The following SEC14L1 variants were observed in gnomAD, a reference collection of about 807,000 sequenced individuals.
The protein encoded by SEC14L1 is SEC14 like lipid binding 1.
SEC14L1 carries 48 observed loss-of-function variants against 85.3 expected under a neutral mutation model. The observed-to-expected ratio is 0.56, with a 90% CI of 0.45 to 0.72. The LOEUF (loss-of-function observed/expected upper bound fraction) is 0.72, where lower values mean the gene tolerates loss of function less well. SEC14L1 is among the 30% of genes least tolerant of loss of function. SEC14L1 has a pLI of 0.00. For missense variants in SEC14L1, 682 were observed against 921.4 expected (o/e 0.74, Z 3.36); for synonymous variants, 391 against 355.5 (o/e 1.10, Z -1.12).
chr17:77,166,379 G>A (rs1974282478), intron 3 of SEC14L1, among the ~76,000 whole-genome samples: 1 of 152,204 alleles, frequency 6.6e-6, no homozygotes, highest in Admixed American at 6.5e-5. Context: ...CACTTTTAAT[G>A]GTGGAACTGG....
At chr17:77,125,345 C>A (rs926994555) in intron 3 of SEC14L1, among the ~76,000 whole-genome samples, 6 of 151,742 alleles carry the variant, frequency 4.0e-5, no homozygotes, top group African/African-American at 1.2e-4. Flanking sequence ...AAAAACTCTT[C>A]TTATTATTTT....
At chr17:77,172,913 G>A (rs555877962) in intron 3 of SEC14L1, among the ~76,000 whole-genome samples, 1 of 152,308 alleles carries the variant, frequency 6.6e-6, no homozygotes, top group South Asian at 2.1e-4. Flanking sequence ...AGGATCTGTG[G>A]CCGCAAGTTT....
chr17:77,103,425 T>TTTG (rs1310919030), intron 3 of SEC14L1, among the ~76,000 whole-genome samples: 1 of 150,964 alleles, frequency 6.6e-6, no homozygotes, highest in African/African-American at 2.4e-5. Flanking sequence ...ATTTTTCTTT[T>TTTG]TTGTTGTTGT....
At chr17:77,205,660 CA>C (rs1379780049) in intron 11 of SEC14L1, among the ~76,000 whole-genome samples, 6 of 152,136 alleles carry the variant, frequency 3.9e-5, no homozygotes, top group Non-Finnish European at 5.9e-5. Flanking sequence ...GTTCTTAAAC[CA>C]AGCTCTAAGT....
At chr17:77,138,954 C>T (rs567815546), upstream of SEC14L1, among the ~76,000 whole-genome samples, 2 of 152,244 alleles carry the variant, frequency 1.3e-5, no homozygotes, top group Non-Finnish European at 2.9e-5. Context: ...TATGGCTCAA[C>T]AAATTTCCCA....
At chr17:77,164,255 C>G (rs1030954987) in intron 3 of SEC14L1, among the ~76,000 whole-genome samples, 4 of 152,234 alleles carry the variant, frequency 2.6e-5, no homozygotes, top group Non-Finnish European at 4.4e-5. Context: ...CCACGGCGCT[C>G]AGGCACTTGG....
Position 77,212,234 on chromosome 17 carries a change from G to A in SEC14L1, c.1863+33G>A, listed in dbSNP as rs141639175. The stretch of plus-strand genomic sequence containing the variant: ...CACACACAGGTCAAATCGCGCATCC[G>A]TGACTCCACACGGCCAGGTGATTCT... On this transcript the variant is annotated intron_variant, in intron 15 of 16. Transcript: ENST00000436233. 6,628 of 1,607,776 alleles carry A rather than the reference G, an allele frequency of 4.1e-3. 17 individuals are homozygous for A. Among genetic ancestry groups the A allele is most frequent in the Non-Finnish European group, 5.1e-3 (5,969 of 1,176,140 alleles).
intron 3 of SEC14L1, among the ~76,000 whole-genome samples, chr17:77,112,454 C>T (rs1201317724): frequency 1.3e-5 from 2 of 152,122 alleles, no homozygotes; most frequent in Non-Finnish European, 2.9e-5. Flanking sequence ...ACACATACTG[C>T]TTTTGAAATG....
intron 3 of SEC14L1, among the ~76,000 whole-genome samples, chr17:77,098,391 C>T (rs529741320): frequency 2.1e-4 from 32 of 151,648 alleles, no homozygotes; most frequent in Non-Finnish European, 4.4e-4. Flanking sequence ...CCCAGCTACT[C>T]GGGAGGCTGA....
At position 77,214,807 on chromosome 17, in the gene SEC14L1, G is replaced by A. The variant is rs907349531; in HGVS notation, c.*784G>A. 11 of 985,240 alleles carry A rather than the reference G, an allele frequency of 1.1e-5. No homozygotes were observed. The highest frequency in any genetic ancestry group is 1.8e-5 in the African/African-American group (1 of 57,138). 61.0% of individuals were successfully genotyped at this position (985,240 alleles called of 1,614,324 possible). Reference sequence around the variant, plus strand: ...TTCTTCCCGTTTCCTTCCGTGCGTCGCCCCTCTCACCTGCAGTCAGCTCCC... The same window carrying A: ...TTCTTCCCGTTTCCTTCCGTGCGTCACCCCTCTCACCTGCAGTCAGCTCCC... On this transcript the variant is annotated 3_prime_UTR_variant, in exon 17 of 17. Transcript: ENST00000436233.
In SEC14L1 at chr17:77,175,943, C is replaced by A. The variant is rs1270178032; in HGVS notation, c.64-14860C>A. Among the ~76,000 whole-genome samples, 5 of 151,772 alleles carry A rather than the reference C, an allele frequency of 3.3e-5. No homozygotes were observed. In the East Asian group the frequency reaches 9.7e-4, roughly 29 times the overall value. On this transcript the variant is annotated intron_variant, in intron 3 of 16. Coordinates refer to ENST00000436233, the MANE Select transcript of SEC14L1 (RefSeq NM_001143998.2). ...GTGTGCTGATTGGTTTGTGAGTATG[C>A]AAAAAAGGTTAAAGTGAAGACACCA...
At chr17:77,205,479 T>TA (rs1465383481) in intron 11 of SEC14L1, 133 bp downstream of exon 11, 2 of 779,836 alleles carry the variant, frequency 2.6e-6, no homozygotes, top group Non-Finnish European at 4.3e-6. Flanking sequence ...AGTGAACATG[T>TA]AATATGCCAG....
chr17:77,105,574 ACTC>A (rs1272759691), intron 3 of SEC14L1, among the ~76,000 whole-genome samples: 9 of 152,106 alleles, frequency 5.9e-5, no homozygotes, highest in African/African-American at 2.2e-4. Context: ...AGAGATGTGA[ACTC>A]CTGTGTCAGG....
At position 77,213,224 on chromosome 17, in the gene SEC14L1, A is replaced by T; in HGVS notation, c.1864-90A>T. ...GTTTCCGTAGCTACATGAAATCCTAAAGACAGTCCCCTTGGCGCTTGTCAG... is the reference window on the plus strand; with the variant it reads ...GTTTCCGTAGCTACATGAAATCCTATAGACAGTCCCCTTGGCGCTTGTCAG... On this transcript the variant is annotated intron_variant, in intron 15 of 16. Transcript: ENST00000436233. This position sits in a 1 kb window ranked among gnomAD's most constrained non-coding sequence, Gnocchi z 7.1. The T allele has an allele frequency of 2.7e-6, 3 of 1,126,496 alleles. No homozygotes were observed. The highest frequency in any genetic ancestry group is 3.8e-6 in the Non-Finnish European group (3 of 799,980). The allele number at this position is 1,126,496 out of a possible 1,614,324, so 69.8% of individuals were successfully genotyped here.
At chr17:77,106,658 C>T (rs1490055691) in intron 3 of SEC14L1, among the ~76,000 whole-genome samples, 1 of 151,238 alleles carries the variant, frequency 6.6e-6, no homozygotes, top group Non-Finnish European at 1.5e-5. Context: ...CAGCGAGACT[C>T]CATCTCAAAA....
intron 3 of SEC14L1, among the ~76,000 whole-genome samples, chr17:77,123,880 C>G (rs117469627): frequency 6.6e-6 from 1 of 152,154 alleles, no homozygotes; most frequent in Non-Finnish European, 1.5e-5. Context: ...GCCATGTAGA[C>G]GGTCTGTGTG....
At chr17:77,161,977 T>C (rs1433892150) in intron 3 of SEC14L1, among the ~76,000 whole-genome samples, 3 of 149,776 alleles carry the variant, frequency 2.0e-5, no homozygotes, top group Non-Finnish European at 4.5e-5. Context: ...GGGCTGACTT[T>C]CAATAGATCG....
intron 4 of SEC14L1, 83 bp downstream of exon 4, chr17:77,191,035 G>T: frequency 6.4e-7 from 1 of 1,567,822 alleles, no homozygotes; most frequent in Non-Finnish European, 8.7e-7. Flanking sequence ...GTCCTGGAGG[G>T]AGAGGGCATC....
chr17:77,162,542 T>C (rs548489694), intron 3 of SEC14L1, among the ~76,000 whole-genome samples: 2 of 152,198 alleles, frequency 1.3e-5, no homozygotes, highest in East Asian at 3.9e-4. Context: ...GTTAAAAAAA[T>C]GTGTTGTGGA....
Sources: gnomAD v4.1 joint callset for allele counts (sites outside exome capture counted in the v4.1 genomes callset) on GRCh38, gnomAD v4.1.1 for gene constraint, Gnocchi (gnomAD v3.1) non-coding constraint, MANE v1.5 for transcripts, NCBI Gene and HGNC (gene_info 2026-07-23, HGNC 2026-07-21) for gene names.